LIG1: variants seen among roughly 807,000 people sequenced by gnomAD.
LIG1 encodes the protein ligase I, DNA, ATP-dependent.
In LIG1, 70 loss-of-function variants were observed where a neutral mutation model predicts 115.7. The observed-to-expected ratio is 0.60, with a 90% CI of 0.50 to 0.74. The LOEUF (loss-of-function observed/expected upper bound fraction) is 0.74, where lower values mean the gene tolerates loss of function less well. LIG1 is among the 30% of genes least tolerant of loss of function. The pLI, the probability that LIG1 is intolerant of heterozygous loss-of-function variation, is 0.00. For missense variants in LIG1, 1,115 were observed against 1,225.6 expected (o/e 0.91, Z 1.35); for synonymous variants, 487 against 495.3 (o/e 0.98, Z 0.22).
At position 48,137,301 on chromosome 19, in the gene LIG1, C is replaced by A. The variant is rs976148885; in HGVS notation, c.1255-217G>T. The stretch of plus-strand genomic sequence containing the variant: ...TCTCCCTTTATCCAGGAAGTATTTA[C>A]TGAGTCCTGTCATGTGGCAGCCATG... On this transcript the variant is annotated intron_variant, in intron 13 of 27. Coordinates refer to ENST00000263274, the MANE Select transcript of LIG1 (RefSeq NM_000234.3). This position sits in a 1 kb window ranked among gnomAD's most constrained non-coding sequence, Gnocchi z 4.3. Among the ~76,000 whole-genome samples the A allele has an allele frequency of 6.6e-6, 1 of 152,234 alleles. No homozygotes were observed. Among genetic ancestry groups the A allele is most frequent in the African/African-American group, 2.4e-5 (1 of 41,470 alleles).
intron 2 of LIG1, among the ~76,000 whole-genome samples, chr19:48,163,040 G>A (rs1430352922): frequency 2.0e-5 from 3 of 151,354 alleles, no homozygotes; most frequent in Non-Finnish European, 4.4e-5. Context: ...TCAGCCTCCC[G>A]AGTAGCTGGG....
Position 48,122,896 on chromosome 19 carries a change from C to A in LIG1, c.2232+38G>T, listed in dbSNP as rs570988085. ...GCCTAGCTGGGACAGACCTCCAGAC[C>A]CGGGGTGGAGAAGGCCCAGTTGGGG... On this transcript the variant is annotated intron_variant, in intron 23 of 27. Coordinates refer to ENST00000263274, the MANE Select transcript of LIG1 (RefSeq NM_000234.3). The surrounding 1 kb of genome is among the most constrained non-coding windows in gnomAD (Gnocchi z 4.3). 6 of 1,592,612 alleles carry A rather than the reference C, an allele frequency of 3.8e-6. No homozygotes were observed. The highest frequency in any genetic ancestry group is 2.7e-5 in the African/African-American group (2 of 74,292).
chr19:48,130,661 G>A (rs572201061), intron 19 of LIG1, among the ~76,000 whole-genome samples: 155 of 152,342 alleles, frequency 1.0e-3, no homozygotes, highest in African/African-American at 3.5e-3. Flanking sequence ...AGTCCACGGC[G>A]GGGGAGGGGT....
chr19:48,121,266 G>A lies in LIG1; in HGVS notation c.2289C>T (p.Gly763=), dbSNP rs767081602. The part of the protein sequence containing the change: ...VGDTLDLVVI[G]AYLGRGKRAG... ...CCCGCTTCCCCCGGCCCAGGTAGGCGCCGATCACCACCAGGTCCAGGGTGT... is the reference window on the plus strand; with the variant it reads ...CCCGCTTCCCCCGGCCCAGGTAGGCACCGATCACCACCAGGTCCAGGGTGT... The change falls in exon 24 of 28, where the codon GGC becomes GGT. Residue 763 remains glycine (G), a synonymous_variant. Transcript: ENST00000263274. 8.4e-5 allele frequency: 135 copies of A among 1,613,394 alleles called. 5 individuals are homozygous for A. Among genetic ancestry groups the A allele is most frequent in the South Asian group, 7.8e-4 (71 of 91,040 alleles).
Position 48,128,139 on chromosome 19 carries a change from G to C in LIG1, c.1822-119C>G, listed in dbSNP as rs539731293. 35 of 793,622 alleles carry C rather than the reference G, an allele frequency of 4.4e-5. No individual in the cohort carries two copies. The African/African-American group carries it at 5.1e-4, about 11-fold the overall frequency. 49.2% of individuals were successfully genotyped at this position (793,622 alleles called of 1,614,324 possible). A position where few individuals can be genotyped will look rare whatever the true frequency, so the allele number is the denominator to read the frequency against. ...AGCTCTCAAGATGCACTAACAAAGA[G>C]GCAGGTGCACACAGATGCTTTTCTT... On this transcript the variant is annotated intron_variant, in intron 19 of 27. Coordinates refer to ENST00000263274, the MANE Select transcript of LIG1 (RefSeq NM_000234.3).
Position 48,119,165 on chromosome 19 carries a change from T to G in LIG1, c.2411A>C (p.Glu804Ala). 1 of 1,584,362 alleles carries G rather than the reference T, an allele frequency of 6.3e-7. No homozygotes were observed. The highest frequency in any genetic ancestry group is 8.6e-7 in the Non-Finnish European group (1 of 1,165,394). The change falls in exon 25 of 28, where the codon GAG becomes GCG. Residue 804 changes from glutamate (E) to alanine (A), a missense_variant. Transcript: ENST00000263274. ...GAGGCTCTGGTGATGCTCCTCCAGC[T>G]CCTCATCACTGAAGCCAGTTCCAAG... ...CKLGTGFSDE[E>A]LEEHHQSLKA...
intron 17 of LIG1, 33 bp from the exon 18 acceptor site, chr19:48,133,130 G>A: frequency 1.5e-6 from 2 of 1,342,892 alleles, no homozygotes; most frequent in Non-Finnish European, 1.1e-6. Context: ...TAGAGGAGAG[G>A]GAAGGCAATG....
At chr19:48,127,453 A>C in intron 20 of LIG1, 105 bp from the exon 21 acceptor site, 1 of 1,028,700 alleles carries the variant, frequency 9.7e-7, no homozygotes, top group Non-Finnish European at 1.5e-6. Flanking sequence ...GCCCCACCTA[A>C]CTGGCTGCCC....
chr19:48,142,710 C>A (rs1054868529), intron 11 of LIG1, among the ~76,000 whole-genome samples: 1 of 152,084 alleles, frequency 6.6e-6, no homozygotes, highest in Non-Finnish European at 1.5e-5. Context: ...ATAGCGTGAT[C>A]TCGGCTCACT....
chr19:48,135,933 G>T, intron 15 of LIG1, 101 bp downstream of exon 15: 1 of 974,024 alleles, frequency 1.0e-6, no homozygotes, highest in South Asian at 1.5e-5. Flanking sequence ...TGGTATGGCA[G>T]GGGCCCGCTG....
intron 12 of LIG1, among the ~76,000 whole-genome samples, chr19:48,139,291 C>T (rs908772962): frequency 1.6e-4 from 25 of 152,212 alleles, no homozygotes; most frequent in African/African-American, 5.1e-4. Flanking sequence ...CCCAAGCTGC[C>T]GACGGCTTTG....
chr19:48,159,739 A>G (rs1440280644), intron 4 of LIG1, among the ~76,000 whole-genome samples: 2 of 149,236 alleles, frequency 1.3e-5, no homozygotes, highest in African/African-American at 2.5e-5. Flanking sequence ...ATTTTTTGAG[A>G]CAGAGTCTTG....
chr19:48,123,211 G>A lies in LIG1; in HGVS notation c.2112C>T (p.Ile704=), dbSNP rs769895197. 6.2e-6 allele frequency: 10 copies of A among 1,614,098 alleles called. No homozygotes were observed. The highest frequency in any genetic ancestry group is 1.6e-4 in the Middle Eastern group (1 of 6,062). The part of the protein sequence containing the change: ...VFATSLDTKD[I]EQIAEFLEQS... ...GCTCCAGGAACTCGGCGATCTGCTC[G>A]ATGTCCTTGGTGTCCAGGGAGGTGG... The change falls in exon 22 of 28, where the codon ATC becomes ATT. Residue 704 remains isoleucine, a synonymous_variant. Transcript: ENST00000263274.
chr19:48,123,265 A>G lies in LIG1; in HGVS notation c.2058T>C (p.Phe686=), dbSNP rs762097925. ...AGACAAACTCGCCCTCTGTCTCCAC[A>G]AAGTTCTCCCGGAGCAGCTGCCGGC... ...SRRRQLLREN[F]VETEGEFVFA... is the part of the protein sequence containing the mutation. Residue 686 remains phenylalanine, a synonymous_variant, in exon 22 of 28, where the codon TTT becomes TTC. Coordinates refer to ENST00000263274, the MANE Select transcript of LIG1 (RefSeq NM_000234.3). 6.2e-7 allele frequency: 1 copy of G among 1,614,126 alleles called. No homozygotes were observed. The highest frequency in any genetic ancestry group is 8.5e-7 in the Non-Finnish European group (1 of 1,180,026).
At chr19:48,123,449 G>C (rs1277380648) in intron 21 of LIG1, 131 bp from the exon 22 acceptor site, 9 of 1,047,546 alleles carry the variant, frequency 8.6e-6, no homozygotes, top group Non-Finnish European at 9.9e-6. Flanking sequence ...GCCTTGAGAG[G>C]GAAGAACCCT....
Position 48,162,325 on chromosome 19 carries a change from C to T in LIG1, c.44G>A (p.Gly15Asp), listed in dbSNP as rs768609123. 5.0e-6 allele frequency: 8 copies of T among 1,614,008 alleles called. No individual in the cohort carries two copies. The South Asian group carries it at 5.5e-5, about 11-fold the overall frequency. Reference protein sequence around the residue: ...IMSFFHPKKEGKAKKPEKEAS... With the variant: ...IMSFFHPKKEDKAKKPEKEAS... ...CTCCTTCTCAGGCTTCTTTGCTTTA[C>T]CCTCTTTCTTGGGGTGGAAAAATGA... Residue 15 changes from glycine to aspartate, a missense_variant, in exon 3 of 28, where the codon GGT (glycine) becomes GAT (aspartate). Physicochemically the swap from Gly to Asp is moderately conservative, Grantham distance 94. Transcript: ENST00000263274.
At chr19:48,123,426 G>A in intron 21 of LIG1, 108 bp from the exon 22 acceptor site, 2 of 1,328,610 alleles carry the variant, frequency 1.5e-6, no homozygotes, top group South Asian at 1.2e-5. Flanking sequence ...ACTAGTGACA[G>A]GGTTCGTGGA....
intron 5 of LIG1, among the ~76,000 whole-genome samples, chr19:48,155,230 G>A (rs548674917): frequency 2.0e-5 from 3 of 152,130 alleles, no homozygotes; most frequent in Admixed American, 6.5e-5. Context: ...CCCACAGCAC[G>A]AAGCCCAGGC....
Position 48,137,850 on chromosome 19 carries a change from G to T in LIG1, c.1088-162C>A. The stretch of plus-strand genomic sequence containing the variant: ...TCACCCACTTGGTAGAAATGGCTTG[G>T]GGAACGTGCCCCCAGCCACGCTGGC... On this transcript the variant is annotated intron_variant, in intron 12 of 27. Coordinates refer to ENST00000263274, the MANE Select transcript of LIG1 (RefSeq NM_000234.3). The surrounding 1 kb of genome is among the most constrained non-coding windows in gnomAD (Gnocchi z 4.3). The T allele has an allele frequency of 4.6e-6, 4 of 879,036 alleles. No individual in the cohort carries two copies. The highest frequency in any genetic ancestry group is 7.0e-6 in the Non-Finnish European group (4 of 567,770). The allele number at this position is 879,036 out of a possible 1,614,324, so 54.5% of individuals were successfully genotyped here. A position where few individuals can be genotyped will look rare whatever the true frequency, so the allele number is the denominator to read the frequency against.
Sources: allele counts gnomAD v4.1 joint callset (sites outside exome capture counted in the v4.1 genomes callset), GRCh38; gene constraint gnomAD v4.1.1; non-coding constraint Gnocchi (gnomAD v3.1); transcripts MANE v1.5; gene names NCBI Gene and HGNC (gene_info 2026-07-23, HGNC 2026-07-21).